RSU1: variants seen among roughly 807,000 people sequenced by gnomAD.
The protein encoded by RSU1 is rsu-1.
RSU1 carries 26 observed loss-of-function variants against 31.1 expected under a neutral mutation model. The ratio of observed to expected loss-of-function variants is 0.84; its 90% CI spans 0.61 to 1.16. RSU1 has a LOEUF of 1.16. RSU1 is among the 50% of genes most tolerant of loss of function. The pLI is 0.00. For missense variants in RSU1, 320 were observed against 339.1 expected, an observed-to-expected ratio of 0.94 and a Z score of 0.44; for synonymous variants, 164 against 136.3, an observed-to-expected ratio of 1.20 and a Z score of -1.41.
chr10:16,785,997 G>C (rs1349199750), intron 2 of RSU1, among the ~76,000 whole-genome samples: 1 of 152,124 alleles, frequency 6.6e-6, no homozygotes, highest in South Asian at 2.1e-4. Flanking sequence ...ATCTGACAAT[G>C]TCTGGAGACA....
chr10:16,649,400 C>T (rs45595836), intron 8 of RSU1, among the ~76,000 whole-genome samples: 8,508 of 152,188 alleles, frequency 0.056, 309 homozygotes, highest in Middle Eastern at 0.11. Flanking sequence ...AAAATCTTAT[C>T]AGTCTTTAAA....
At chr10:16,637,369 C>T (rs75794796) in intron 8 of RSU1, among the ~76,000 whole-genome samples, 3,735 of 152,166 alleles carry the variant, frequency 0.025, 167 homozygotes, top group African/African-American at 0.086. Flanking sequence ...ACCTGTGCAG[C>T]GGGGAATCTG....
chr10:16,802,225 A>C, intron 2 of RSU1, among the ~76,000 whole-genome samples: 1 of 151,658 alleles, frequency 6.6e-6, no homozygotes, highest in East Asian at 1.9e-4. Context: ...AATTACAAAC[A>C]GAAATGAAAG....
At position 16,593,465 on chromosome 10, in the gene RSU1, C is replaced by G. The variant is rs991196632; in HGVS notation, c.763G>C (p.Glu255Gln). ...LYGRHMQANP[E>Q]PPKKNNDKSK... ...TTGTCATTATTCTTCTTCGGTGGTT[C>G]TGGGTTGGCCTGCATGTGTCTGCCG... Residue 255 changes from glutamate to glutamine, a missense_variant, in exon 9 of 9, where the codon GAA (glutamate) becomes CAA (glutamine). Transcript: ENST00000345264. 3 of 1,613,890 alleles carry G rather than the reference C, an allele frequency of 1.9e-6. No homozygotes were observed. The African/African-American group carries it at 4.0e-5, about 22-fold the overall frequency.
chr10:16,619,420 G>T (rs1301666064), intron 8 of RSU1, among the ~76,000 whole-genome samples: 1 of 152,198 alleles, frequency 6.6e-6, no homozygotes, highest in Non-Finnish European at 1.5e-5. Context: ...GTGATTCACA[G>T]TGAACCAATC....
chr10:16,630,659 C>G (rs539579572), intron 8 of RSU1, among the ~76,000 whole-genome samples: 2 of 152,318 alleles, frequency 1.3e-5, no homozygotes, highest in South Asian at 4.1e-4. Context: ...TGACCCCACG[C>G]TACAGGTGCG....
At chr10:16,681,438 A>C (rs1835326080) in intron 8 of RSU1, among the ~76,000 whole-genome samples, 1 of 152,190 alleles carries the variant, frequency 6.6e-6, no homozygotes, top group Admixed American at 6.5e-5. Flanking sequence ...TGATCTGGTA[A>C]TTTTATCTTG....
intron 7 of RSU1, among the ~76,000 whole-genome samples, chr10:16,700,235 A>G (rs1282891555): frequency 6.6e-6 from 1 of 152,100 alleles, no homozygotes; most frequent in East Asian, 1.9e-4. Context: ...CTCCCTTCCT[A>G]ATTTCAAAAT....
chr10:16,666,034 A>G (rs1189305868), intron 8 of RSU1, among the ~76,000 whole-genome samples: 5 of 152,240 alleles, frequency 3.3e-5, no homozygotes, highest in Admixed American at 6.5e-5. Context: ...TTTCATGAAT[A>G]TCACTATTTT....
rs567696221 is a variant in RSU1 at position 16,708,706 on chromosome 10, C to T, written c.599-13551G>A. 5.3e-5 allele frequency among the ~76,000 whole-genome samples: 8 copies of T among 152,160 alleles called. No homozygotes were observed. The East Asian group carries it at 7.7e-4, about 15-fold the overall frequency. On this transcript the variant is annotated intron_variant, in intron 7 of 8. Coordinates refer to ENST00000345264, the MANE Select transcript of RSU1 (RefSeq NM_012425.4). ...TCTTAACTATATTAATTCTTCCAAA[C>T]CATGAAGACAAAGTAGCTTGCCATT...
intron 7 of RSU1, among the ~76,000 whole-genome samples, chr10:16,722,862 A>G (rs1392266497): frequency 1.4e-5 from 2 of 142,710 alleles, no homozygotes; most frequent in Admixed American, 1.4e-4. Context: ...ACATATATAC[A>G]TATATGTATA....
chr10:16,691,580 C>T (rs1309460378), intron 8 of RSU1, among the ~76,000 whole-genome samples: 2 of 151,966 alleles, frequency 1.3e-5, no homozygotes, highest in African/African-American at 4.8e-5. Flanking sequence ...CACAGCAGGC[C>T]CCTGCCCTAG....
chr10:16,763,775 G>C (rs192511619), intron 4 of RSU1, among the ~76,000 whole-genome samples: 98 of 152,204 alleles, frequency 6.4e-4, no homozygotes, highest in Middle Eastern at 3.4e-3. Flanking sequence ...CCTGCCCTCC[G>C]TACCTCACAA....
intron 7 of RSU1, among the ~76,000 whole-genome samples, chr10:16,722,868 GTA>G (rs1163295904): frequency 3.1e-5 from 4 of 130,936 alleles, no homozygotes; most frequent in South Asian, 5.0e-4. Flanking sequence ...ATACATATAT[GTA>G]TATATACACA....
intron 7 of RSU1, among the ~76,000 whole-genome samples, chr10:16,697,348 G>T (rs1232567247): frequency 6.6e-6 from 1 of 152,120 alleles, no homozygotes; most frequent in East Asian, 1.9e-4. Flanking sequence ...TAAACTTGAG[G>T]TGTTTGGAAA....
chr10:16,726,328 C>T (rs111275063), intron 7 of RSU1, among the ~76,000 whole-genome samples: 16,844 of 147,350 alleles, frequency 0.11, 2,436 homozygotes, highest in African/African-American at 0.34. Flanking sequence ...AGTGCAGTGG[C>T]GCAATCTCGG....
At chr10:16,686,306 G>T (rs1250014731) in intron 8 of RSU1, among the ~76,000 whole-genome samples, 1 of 152,162 alleles carries the variant, frequency 6.6e-6, no homozygotes, top group Non-Finnish European at 1.5e-5. Context: ...AACAGCAAAT[G>T]CAGGCAATAA....
chr10:16,656,955 T>C (rs1279315679), intron 8 of RSU1, among the ~76,000 whole-genome samples: 1 of 152,170 alleles, frequency 6.6e-6, no homozygotes, highest in Non-Finnish European at 1.5e-5. Context: ...AGAAGAACCG[T>C]CCACACAAGG....
intron 7 of RSU1, among the ~76,000 whole-genome samples, chr10:16,742,650 G>A (rs760517814): frequency 4.4e-4 from 67 of 151,804 alleles, no homozygotes; most frequent in Non-Finnish European, 8.4e-4. Context: ...TAGCACTGCC[G>A]GCATTTCTCC....
Sources: gnomAD v4.1 joint callset for allele counts (sites outside exome capture counted in the v4.1 genomes callset) on GRCh38, gnomAD v4.1.1 for gene constraint, MANE v1.5 for transcripts, NCBI Gene and HGNC (gene_info 2026-07-23, HGNC 2026-07-21) for gene names.